The following SPATS2 variants were observed in gnomAD, a reference collection of about 807,000 sequenced individuals.
SPATS2 encodes the protein spermatogenesis associated serine rich 2, also known as spermatogenesis-associated serine-rich protein 2.
In SPATS2, 38 loss-of-function variants were observed where a neutral mutation model predicts 63.7. The observed-to-expected ratio is 0.60, with a 90% confidence interval of 0.46 to 0.78. SPATS2 has a LOEUF of 0.78. Among genes scored for constraint, SPATS2 ranks in the 30% least tolerant of loss-of-function variants. The pLI is 0.00. For synonymous variants in SPATS2, 207 were observed against 232.9 expected, an observed-to-expected ratio of 0.89 and a Z score of 1.01; for missense variants, 588 against 666.2, an observed-to-expected ratio of 0.88 and a Z score of 1.29.
In SPATS2 at chr12:49,514,551, CT is replaced by C; in HGVS notation, c.840-3del. ...CTTTTTATTCCTTTGTCATCTTTTC[CT>C]AGTTTAATGGATCGAGAAGTGGCGT... On this transcript the variant is annotated splice_polypyrimidine_tract_variant and splice_region_variant and intron_variant, in intron 9 of 13. Coordinates refer to ENST00000552918, the MANE Select transcript of SPATS2 (RefSeq NM_023071.4). The C allele has an allele frequency of 1.9e-6, 3 of 1,610,940 alleles. No individual in the cohort carries two copies. Among genetic ancestry groups the C allele is most frequent in the Non-Finnish European group, 2.5e-6 (3 of 1,178,618 alleles).
intron 4 of SPATS2, among the ~76,000 whole-genome samples, chr12:49,488,036 A>C (rs1343150446): frequency 6.6e-6 from 1 of 150,906 alleles, no homozygotes; most frequent in Non-Finnish European, 1.5e-5. Flanking sequence ...GATGTATATT[A>C]TTTTTCATCC....
intron 2 of SPATS2, among the ~76,000 whole-genome samples, chr12:49,454,602 A>G (rs549289567): frequency 6.6e-6 from 1 of 152,220 alleles, no homozygotes; most frequent in African/African-American, 2.4e-5. Flanking sequence ...TCCATTATGG[A>G]TCAGGCGTGG....
chr12:49,385,471 A>T lies in SPATS2; in HGVS notation c.-244+14181A>T, dbSNP rs1406339030. On this transcript the variant is annotated intron_variant, in intron 2 of 13. Transcript: ENST00000552918. The stretch of plus-strand genomic sequence containing the variant: ...TTGAGAAACTAATATTTGAGGAAAG[A>T]TCTAAAAATTGTCTTTGATTTCCTT... 6.6e-5 allele frequency among the ~76,000 whole-genome samples: 10 copies of T among 151,886 alleles called. 1 individual carries two copies. The highest frequency in any genetic ancestry group is 5.9e-5 in the Non-Finnish European group (4 of 67,980).
intron 2 of SPATS2, among the ~76,000 whole-genome samples, chr12:49,458,049 CCT>C (rs1945749865): frequency 6.6e-6 from 1 of 152,266 alleles, no homozygotes; most frequent in Admixed American, 6.5e-5. Context: ...TCTTCAGTCT[CCT>C]CTTTTCAAAT....
intron 10 of SPATS2, among the ~76,000 whole-genome samples, chr12:49,516,204 T>TATAA (rs1555193492): frequency 1.4e-5 from 1 of 70,704 alleles, no homozygotes; most frequent in Non-Finnish European, 2.6e-5. Flanking sequence ...TATATATATA[T>TATAA]ATATAAATCA....
At chr12:49,465,491 A>G (rs1435258625) in intron 3 of SPATS2, among the ~76,000 whole-genome samples, 1 of 151,638 alleles carries the variant, frequency 6.6e-6, no homozygotes, top group Admixed American at 6.6e-5. Context: ...AGCCATTTAT[A>G]TTTTTTTTGG....
intron 2 of SPATS2, among the ~76,000 whole-genome samples, chr12:49,396,594 C>A (rs1037970846): frequency 9.9e-5 from 15 of 152,200 alleles, no homozygotes; most frequent in Admixed American, 7.9e-4. Flanking sequence ...GGTCCCTCTA[C>A]CACATGTGTA....
At chr12:49,447,429 G>T (rs906817558) in intron 2 of SPATS2, among the ~76,000 whole-genome samples, 17 of 151,804 alleles carry the variant, frequency 1.1e-4, no homozygotes, top group African/African-American at 4.1e-4. Context: ...AGTAGAGATG[G>T]GGTTTCACCA....
intron 1 of SPATS2, among the ~76,000 whole-genome samples, chr12:49,368,704 C>T (rs2137121002): frequency 6.6e-6 from 1 of 152,274 alleles, no homozygotes; most frequent in South Asian, 2.1e-4. Flanking sequence ...ATGATGTTTG[C>T]ATTTCCTTAA....
At chr12:49,374,035 A>G (rs1944048392) in intron 2 of SPATS2, among the ~76,000 whole-genome samples, 1 of 152,066 alleles carries the variant, frequency 6.6e-6, no homozygotes, top group Non-Finnish European at 1.5e-5. Context: ...GTAGTGAGCT[A>G]TGATCATGTC....
In SPATS2 at chr12:49,504,711, C is replaced by G. The variant is rs145207892; in HGVS notation, c.839+4506C>G. Among the ~76,000 whole-genome samples the G allele has an allele frequency of 3.9e-3, 554 of 143,220 alleles. 2 individuals are homozygous for G. Among genetic ancestry groups the G allele is most frequent in the Middle Eastern group, 0.016 (4 of 258 alleles). The allele number at this position is 143,220 out of a possible 152,430, so 94.0% of individuals were successfully genotyped here. A position where few individuals can be genotyped will look rare whatever the true frequency, so the allele number is the denominator to read the frequency against. ...TAAGGTTTTGAAATTTTTCCTGATTCCTCTATGTCCTTTTATTGGCGCGTT... is the reference window on the plus strand; with the variant it reads ...TAAGGTTTTGAAATTTTTCCTGATTGCTCTATGTCCTTTTATTGGCGCGTT... On this transcript the variant is annotated intron_variant, in intron 9 of 13. Transcript: ENST00000552918.
Position 49,403,063 on chromosome 12 carries a change from A to G in SPATS2, c.-244+31773A>G, listed in dbSNP as rs117695670. Among the ~76,000 whole-genome samples the G allele has an allele frequency of 1.2e-4, 18 of 152,246 alleles. No homozygotes were observed. In the East Asian group the frequency reaches 2.9e-3, roughly 25 times the overall value. On this transcript the variant is annotated intron_variant, in intron 2 of 13. Transcript: ENST00000552918. ...GGAGAAAGGGGGTGAGAGTTTGAGG[A>G]TTCAGAATGACCTGAGAGTCCTGGG...
intron 3 of SPATS2, among the ~76,000 whole-genome samples, chr12:49,468,790 C>G (rs1945977685): frequency 6.6e-6 from 1 of 152,052 alleles, no homozygotes; most frequent in Non-Finnish European, 1.5e-5. Context: ...AATTTTTTTT[C>G]TTGCTACGTA....
intron 8 of SPATS2, among the ~76,000 whole-genome samples, chr12:49,498,642 TC>T (rs1946508595): frequency 6.6e-6 from 1 of 152,228 alleles, no homozygotes; most frequent in South Asian, 2.1e-4. Flanking sequence ...GTTAACAGTT[TC>T]TATTCTGCTG....
At chr12:49,400,736 T>C (rs1315170141) in intron 2 of SPATS2, among the ~76,000 whole-genome samples, 1 of 152,126 alleles carries the variant, frequency 6.6e-6, no homozygotes, top group African/African-American at 2.4e-5. Context: ...GAAAATGGCA[T>C]AAAATGTACC....
chr12:49,423,182 G>A (rs1242762718), intron 2 of SPATS2, among the ~76,000 whole-genome samples: 1 of 151,734 alleles, frequency 6.6e-6, no homozygotes, highest in Non-Finnish European at 1.5e-5. Context: ...GCCCAGGCTG[G>A]AGTGCAGTGG....
At chr12:49,391,899 ACAT>A (rs1477750265) in intron 2 of SPATS2, among the ~76,000 whole-genome samples, 2 of 152,182 alleles carry the variant, frequency 1.3e-5, no homozygotes, top group Admixed American at 6.6e-5. Context: ...AATGGCCCAA[ACAT>A]TACATGGATT....
At chr12:49,376,140 C>T (rs1197941922) in intron 2 of SPATS2, among the ~76,000 whole-genome samples, 64 of 135,380 alleles carry the variant, frequency 4.7e-4, no homozygotes, top group East Asian at 3.0e-3. Context: ...TTCACTCTGT[C>T]GCCCATGCTG....
At chr12:49,416,119 G>T (rs896701261) in intron 2 of SPATS2, among the ~76,000 whole-genome samples, 6 of 151,310 alleles carry the variant, frequency 4.0e-5, no homozygotes, top group Non-Finnish European at 8.8e-5. Flanking sequence ...CCCAAATTTA[G>T]CAGTGTAAAA....
Sources: allele counts gnomAD v4.1 joint callset (sites outside exome capture counted in the v4.1 genomes callset), GRCh38; gene constraint gnomAD v4.1.1; transcripts MANE v1.5; gene names NCBI Gene and HGNC (gene_info 2026-07-23, HGNC 2026-07-21).